The following TGM3 variants were observed in gnomAD, a reference collection of about 807,000 sequenced individuals.
The protein encoded by TGM3 is transglutaminase 3, also known as protein-glutamine gamma-glutamyltransferase E.
TGM3 carries 52 observed loss-of-function variants against 73.8 expected under a neutral mutation model. The ratio of observed to expected loss-of-function variants is 0.70; its 90% confidence interval spans 0.56 to 0.89. The LOEUF is 0.89. Ranked by LOEUF, TGM3 falls within the 40% of genes least tolerant of loss-of-function variation. The probability of loss-of-function intolerance (pLI) is 0.00; values close to 1 mark genes in which losing one functional copy is unlikely to be tolerated. For missense variants in TGM3, 928 were observed against 909.9 expected (o/e 1.02, Z -0.26); for synonymous variants, 372 against 354.9 (o/e 1.05, Z -0.54).
At chr20:2,313,470 C>T (rs1357525429) in intron 5 of TGM3, among the ~76,000 whole-genome samples, 1 of 152,130 alleles carries the variant, frequency 6.6e-6, no homozygotes, top group African/African-American at 2.4e-5. Context: ...CAGAGCACAG[C>T]CCAGAGTGTC....
rs569820379 is a variant in TGM3, at chr20:2,340,668, G to T, written c.*87G>T. Reference sequence around the variant, plus strand: ...AATGAACCCCCCGCCCATGCTGTCCGGCCTGGGAAACCCTCTCCATCTCCC... The same window carrying T: ...AATGAACCCCCCGCCCATGCTGTCCTGCCTGGGAAACCCTCTCCATCTCCC... On this transcript the variant is annotated 3_prime_UTR_variant, in exon 13 of 13. Transcript: ENST00000381458. The T allele has an allele frequency of 3.2e-6, 5 of 1,555,108 alleles. No homozygotes were observed. Among genetic ancestry groups the T allele is most frequent in the East Asian group, 4.7e-5 (2 of 43,008 alleles).
chr20:2,332,326 G>C lies in TGM3; in HGVS notation c.1642+16G>C, dbSNP rs2122247829. 6.4e-7 allele frequency: 1 copy of C among 1,559,120 alleles called. No homozygotes were observed. The highest frequency in any genetic ancestry group is 1.2e-5 in the South Asian group (1 of 81,496). ...CCTGAGGAAGGTAACGCATCCCGCA[G>C]TTGGAGGAGATCCACGAATCCGAGG... On this transcript the variant is annotated intron_variant, in intron 10 of 12. Coordinates refer to ENST00000381458, the MANE Select transcript of TGM3 (RefSeq NM_003245.4). The surrounding 1 kb of genome is among the most constrained non-coding windows in gnomAD (Gnocchi z 4.4).
chr20:2,321,499 A>G (rs2084262875), intron 7 of TGM3, among the ~76,000 whole-genome samples: 1 of 152,196 alleles, frequency 6.6e-6, no homozygotes, highest in African/African-American at 2.4e-5. Context: ...GCCACTTTCT[A>G]GGCAAGGTCT....
chr20:2,339,190 G>A (rs2084367011), intron 11 of TGM3, among the ~76,000 whole-genome samples: 1 of 152,224 alleles, frequency 6.6e-6, no homozygotes, highest in African/African-American at 2.4e-5. Flanking sequence ...TGGAAAAAGA[G>A]TTAAGGGAGC....
rs375529969 is a variant in TGM3, at chr20:2,328,159, G to C, written c.1127G>C (p.Arg376Pro). 1.2e-6 allele frequency: 2 copies of C among 1,614,162 alleles called. No homozygotes were observed. Among genetic ancestry groups the C allele is most frequent in the Non-Finnish European group, 1.7e-6 (2 of 1,180,040 alleles). The change falls in exon 9 of 13, where the codon CGA becomes CCA. Residue 376 changes from arginine (R) to proline (P), a missense_variant. Physicochemically the swap from Arg to Pro is moderately radical, Grantham distance 103. Coordinates refer to ENST00000381458, the MANE Select transcript of TGM3 (RefSeq NM_003245.4). This position sits in a 1 kb window ranked among gnomAD's most constrained non-coding sequence, Gnocchi z 5.2. Reference protein sequence around the residue: ...QCGPASVIGVREGDVQLNFDM... With the variant: ...QCGPASVIGVPEGDVQLNFDM... ...GGCCCCGCTTCGGTCATTGGTGTTC[G>C]AGAGGGTGATGTGCAGCTGAACTTC... is the stretch of plus-strand genomic sequence containing the variant.
At position 2,327,405 on chromosome 20, in the gene TGM3, A is replaced by T. The variant is rs556016266; in HGVS notation, c.1088-715A>T. The stretch of plus-strand genomic sequence containing the variant: ...GGCAGGAGAATGGCGTGAACCCGGG[A>T]GGCGGAGCTTGCAATGAGTCGAGAT... On this transcript the variant is annotated intron_variant, in intron 8 of 12. Transcript: ENST00000381458. 2.2e-4 allele frequency among the ~76,000 whole-genome samples: 34 copies of T among 152,272 alleles called. 1 individual carries two copies. The highest frequency in any genetic ancestry group is 4.6e-4 in the Admixed American group (7 of 15,298).
chr20:2,325,085 G>T (rs930177797), intron 7 of TGM3, among the ~76,000 whole-genome samples: 1 of 152,132 alleles, frequency 6.6e-6, no homozygotes, highest in Non-Finnish European at 1.5e-5. Flanking sequence ...CATGAGTATA[G>T]AAATATTTTT....
chr20:2,307,486 A>G (rs532326341), intron 1 of TGM3, among the ~76,000 whole-genome samples: 1 of 152,214 alleles, frequency 6.6e-6, no homozygotes, highest in Non-Finnish European at 1.5e-5. Flanking sequence ...CTCTATGGGC[A>G]CCCGGCAAAA....
chr20:2,340,284 C>T (rs1045610887), intron 12 of TGM3, 150 bp from the exon 13 acceptor site: 74 of 1,230,756 alleles, frequency 6.0e-5, no homozygotes, highest in Non-Finnish European at 7.7e-5. Flanking sequence ...GCTGGAGGGG[C>T]CCCGTAACCC....
At chr20:2,310,980 G>A in intron 3 of TGM3, 31 bp from the exon 4 acceptor site, 2 of 1,586,424 alleles carry the variant, frequency 1.3e-6, no homozygotes, top group Non-Finnish European at 1.7e-6. Context: ...GAGGATTCTA[G>A]TCGCTGGTGT....
chr20:2,329,855 T>C (rs1368628311), intron 9 of TGM3, among the ~76,000 whole-genome samples: 1 of 152,194 alleles, frequency 6.6e-6, no homozygotes, highest in Non-Finnish European at 1.5e-5. Context: ...ACTTGATAAA[T>C]AGCAGTGGTG....
intron 1 of TGM3, among the ~76,000 whole-genome samples, chr20:2,302,653 GGAA>G (rs2084154860): frequency 7.6e-6 from 1 of 131,440 alleles, no homozygotes; most frequent in African/African-American, 2.7e-5. Context: ...ACAGCAGAAT[GGAA>G]GAAGAGGAAG....
Position 2,332,983 on chromosome 20 carries a change from AG to A in TGM3, c.1642+675del, listed in dbSNP as rs1295750789. ...TTTCTTAGAAGTCTGAGCGTTTGGG[AG>A]GAACAGTGACTCCTTGCCCTTGGGT... On this transcript the variant is annotated intron_variant, in intron 10 of 12. Transcript: ENST00000381458. The surrounding 1 kb of genome is among the most constrained non-coding windows in gnomAD (Gnocchi z 4.4). Among the ~76,000 whole-genome samples, 2 of 152,168 alleles carry A rather than the reference AG, an allele frequency of 1.3e-5. No individual in the cohort carries two copies. The highest frequency in any genetic ancestry group is 2.9e-5 in the Non-Finnish European group (2 of 68,032).
chr20:2,333,345 C>T (rs2084330979), intron 10 of TGM3, among the ~76,000 whole-genome samples: 1 of 152,034 alleles, frequency 6.6e-6, no homozygotes, highest in Non-Finnish European at 1.5e-5. Context: ...TGTTATTGAC[C>T]TTAGAAACTC....
chr20:2,337,075 A>G (rs140011448), intron 11 of TGM3, among the ~76,000 whole-genome samples: 16 of 152,330 alleles, frequency 1.1e-4, no homozygotes, highest in African/African-American at 3.8e-4. Context: ...CCATGAGGGC[A>G]GGCATTACCT....
At chr20:2,298,421 G>A (rs1290825250) in intron 1 of TGM3, among the ~76,000 whole-genome samples, 2 of 152,202 alleles carry the variant, frequency 1.3e-5, no homozygotes, top group African/African-American at 4.8e-5. Flanking sequence ...TGGGTTAGTG[G>A]CAGAGTTCTC....
At position 2,339,742 on chromosome 20, in the gene TGM3, C is replaced by T. The variant is rs927593343; in HGVS notation, c.1801-112C>T. ...GAGGGCTAAATGGTCTCCCCTTCTT[C>T]ATCCTCAGTGACATCACCCCCTTCA... On this transcript the variant is annotated intron_variant, in intron 11 of 12. Coordinates refer to ENST00000381458, the MANE Select transcript of TGM3 (RefSeq NM_003245.4). The T allele has an allele frequency of 4.1e-6, 6 of 1,457,328 alleles. No individual in the cohort carries two copies. In the African/African-American group the frequency reaches 8.3e-5, roughly 20 times the overall value. 90.3% of individuals were successfully genotyped at this position (1,457,328 alleles called of 1,614,324 possible).
intron 2 of TGM3, 125 bp downstream of exon 2, chr20:2,309,955 T>G (rs901263480): frequency 8.4e-6 from 12 of 1,435,534 alleles, no homozygotes; most frequent in Non-Finnish European, 1.0e-5. Flanking sequence ...CTGTCATTGA[T>G]TCAGTGTGGC....
rs2084339376 is a variant in TGM3, at chr20:2,334,794, A to C, written c.1643-322A>C. 6.6e-6 allele frequency among the ~76,000 whole-genome samples: 1 copy of C among 152,180 alleles called. No individual in the cohort carries two copies. Among genetic ancestry groups the C allele is most frequent in the Non-Finnish European group, 1.5e-5 (1 of 68,032 alleles). ...CCCCATCTCTACAAATAATTTAAAA[A>C]ATTTTAAAAAAAAAGGACACTTGCC... On this transcript the variant is annotated intron_variant, in intron 10 of 12. Coordinates refer to ENST00000381458, the MANE Select transcript of TGM3 (RefSeq NM_003245.4). This position sits in a 1 kb window ranked among gnomAD's most constrained non-coding sequence, Gnocchi z 4.0.
Sources: allele counts gnomAD v4.1 joint callset (sites outside exome capture counted in the v4.1 genomes callset), GRCh38; gene constraint gnomAD v4.1.1; non-coding constraint Gnocchi (gnomAD v3.1); transcripts MANE v1.5; gene names NCBI Gene and HGNC (gene_info 2026-07-23, HGNC 2026-07-21).